PTPRN2: variants seen among roughly 807,000 people sequenced by gnomAD.
PTPRN2 encodes the protein receptor-type tyrosine-protein phosphatase N2.
In PTPRN2, 74 loss-of-function variants were observed where a neutral mutation model predicts 118.8. The observed-to-expected ratio is 0.62, with a 90% confidence interval of 0.52 to 0.76. PTPRN2 has a LOEUF of 0.76. Among genes scored for constraint, PTPRN2 ranks in the 30% least tolerant of loss-of-function variants. PTPRN2 has a pLI of 0.00. For synonymous variants in PTPRN2, 641 were observed against 608.0 expected (o/e 1.05, Z -0.80); for missense variants, 1,481 against 1,394.4 (o/e 1.06, Z -0.99).
At chr7:158,038,153 G>T (rs1808213125) in intron 11 of PTPRN2, among the ~76,000 whole-genome samples, 1 of 152,168 alleles carries the variant, frequency 6.6e-6, no homozygotes, top group Non-Finnish European at 1.5e-5. Context: ...AAAGTAAGAT[G>T]AGAAAGTTGA....
intron 12 of PTPRN2, among the ~76,000 whole-genome samples, chr7:157,880,970 T>C (rs1020114184): frequency 3.3e-5 from 5 of 152,214 alleles, no homozygotes; most frequent in South Asian, 2.1e-4. Context: ...TAGAGCTGAA[T>C]TGAGTCTCTC....
chr7:158,057,273 G>A (rs2128902963), intron 11 of PTPRN2, among the ~76,000 whole-genome samples: 1 of 152,250 alleles, frequency 6.6e-6, no homozygotes, highest in East Asian at 1.9e-4. Context: ...CAGAAACTTT[G>A]CTCTTCTGCT....
intron 11 of PTPRN2, among the ~76,000 whole-genome samples, chr7:157,931,232 CT>C (rs1484441811): frequency 6.6e-6 from 1 of 152,206 alleles, no homozygotes. Flanking sequence ...CACGAGTTAA[CT>C]AATACATTTT....
At chr7:158,303,150 T>A (rs1237947667) in intron 3 of PTPRN2, among the ~76,000 whole-genome samples, 2 of 148,542 alleles carry the variant, frequency 1.3e-5, no homozygotes, top group Non-Finnish European at 1.5e-5. Flanking sequence ...GTAACAAATG[T>A]GGATAGCACT....
intron 12 of PTPRN2, among the ~76,000 whole-genome samples, chr7:157,853,071 C>T (rs994370650): frequency 1.9e-4 from 29 of 152,086 alleles, no homozygotes; most frequent in African/African-American, 6.3e-4. Context: ...GTCCTCTCTC[C>T]GCCTCCAGAT....
At chr7:158,395,338 C>G (rs1269871958) in intron 2 of PTPRN2, among the ~76,000 whole-genome samples, 216 of 23,120 alleles carry the variant, frequency 9.3e-3, no homozygotes, top group Middle Eastern at 0.026. Flanking sequence ...AGGGGCGAGG[C>G]GCGAGGGGCC....
chr7:158,269,731 CAGAGAGACAGAGACAG>C (rs150710885), intron 3 of PTPRN2, among the ~76,000 whole-genome samples: 22,892 of 151,636 alleles, frequency 0.15, 2,095 homozygotes, highest in African/African-American at 0.24. Context: ...GAGACAGAAA[CAGAGAGACAGAGACAG>C]AGAGAGACAG....
chr7:158,189,750 C>T (rs369973028), intron 5 of PTPRN2, among the ~76,000 whole-genome samples: 31 of 152,350 alleles, frequency 2.0e-4, no homozygotes, highest in Admixed American at 1.4e-3. Flanking sequence ...GGGGACGTGA[C>T]GTCACGGCGC....
intron 12 of PTPRN2, among the ~76,000 whole-genome samples, chr7:157,757,432 C>T (rs1018506682): frequency 1.3e-5 from 2 of 152,150 alleles, no homozygotes; most frequent in African/African-American, 4.8e-5. Context: ...AGTGCTGGAG[C>T]TCTCGGCGGC....
In PTPRN2 at chr7:157,618,967, A is replaced by G. The variant is rs576325155; in HGVS notation, c.2344+2395T>C. ...GGAGGTGCTTTCCCCCTCACCCGTC[A>G]CCTGGCTCAGAATGGGCAGGGCTGT... On this transcript the variant is annotated intron_variant, in intron 15 of 22. Transcript: ENST00000389418. The surrounding 1 kb of genome is among the most constrained non-coding windows in gnomAD (Gnocchi z 4.2). Among the ~76,000 whole-genome samples the G allele has an allele frequency of 6.6e-6, 1 of 152,054 alleles. No individual in the cohort carries two copies. The highest frequency in any genetic ancestry group is 1.9e-4 in the East Asian group (1 of 5,152).
At chr7:158,458,970 G>C (rs1429940867) in intron 2 of PTPRN2, among the ~76,000 whole-genome samples, 1 of 152,208 alleles carries the variant, frequency 6.6e-6, no homozygotes, top group Admixed American at 6.5e-5. Context: ...ACACATGTGG[G>C]GAAGACACGA....
intron 3 of PTPRN2, among the ~76,000 whole-genome samples, chr7:158,208,525 C>T (rs916922605): frequency 2.2e-4 from 33 of 152,178 alleles, no homozygotes; most frequent in Non-Finnish European, 4.3e-4. Flanking sequence ...AGGAAAGAAA[C>T]CCTTTTATTC....
chr7:157,853,932 C>A (rs1172775271), intron 12 of PTPRN2, among the ~76,000 whole-genome samples: 1 of 152,164 alleles, frequency 6.6e-6, no homozygotes, highest in East Asian at 1.9e-4. Context: ...GGACACGGGG[C>A]AGCCACAGGG....
At chr7:157,909,584 C>A (rs1320999721) in intron 11 of PTPRN2, among the ~76,000 whole-genome samples, 1 of 152,248 alleles carries the variant, frequency 6.6e-6, no homozygotes, top group Non-Finnish European at 1.5e-5. Context: ...GCGCGGGACG[C>A]CCCGGCCAGC....
At chr7:158,096,792 C>A (rs1814662792) in intron 10 of PTPRN2, among the ~76,000 whole-genome samples, 1 of 152,232 alleles carries the variant, frequency 6.6e-6, no homozygotes, top group African/African-American at 2.4e-5. Flanking sequence ...CAGGTAGCAA[C>A]ATTGCCCGTG....
intron 6 of PTPRN2, among the ~76,000 whole-genome samples, chr7:158,153,728 G>T (rs1380124877): frequency 1.3e-5 from 2 of 152,234 alleles, no homozygotes; most frequent in Non-Finnish European, 2.9e-5. Context: ...CCCGTGGTGT[G>T]CTCTGAGCAG....
intron 3 of PTPRN2, among the ~76,000 whole-genome samples, chr7:158,313,055 C>T (rs1801999204): frequency 6.6e-6 from 1 of 151,642 alleles, no homozygotes; most frequent in Non-Finnish European, 1.5e-5. Flanking sequence ...AATGTGTGTG[C>T]AGGTTTGTCT....
In PTPRN2 at chr7:158,441,224, AGTAATGGTGATGGCAATGAAG is replaced by A. The variant is rs1817118640; in HGVS notation, c.163+48490_163+48510del. On this transcript the variant is annotated intron_variant, in intron 2 of 22. Transcript: ENST00000389418. Reference sequence around the variant, plus strand: ...TGATGGTGGTGGTGGTGATGGTGATAGTAATGGTGATGGCAATGAAGGTGATGGTGATGGTGATGGTGATAG... The same window carrying A: ...TGATGGTGGTGGTGGTGATGGTGATAGTGATGGTGATGGTGATGGTGATAG... Among the ~76,000 whole-genome samples the A allele has an allele frequency of 2.3e-4, 18 of 78,748 alleles. 1 individual carries two copies. In the Admixed American group the frequency reaches 2.6e-3, roughly 11 times the overall value. 51.7% of individuals were successfully genotyped at this position (78,748 alleles called of 152,430 possible). A position where few individuals can be genotyped will look rare whatever the true frequency, so the allele number is the denominator to read the frequency against.
chr7:158,316,325 C>G (rs912388506), intron 3 of PTPRN2, among the ~76,000 whole-genome samples: 1 of 152,210 alleles, frequency 6.6e-6, no homozygotes, highest in East Asian at 1.9e-4. Context: ...CAAAGAAGCG[C>G]AGCAGTGGGC....
Sources: gnomAD v4.1 joint callset for allele counts (sites outside exome capture counted in the v4.1 genomes callset) on GRCh38, gnomAD v4.1.1 for gene constraint, Gnocchi (gnomAD v3.1) non-coding constraint, MANE v1.5 for transcripts, NCBI Gene and HGNC (gene_info 2026-07-23, HGNC 2026-07-21) for gene names.